Variants in PYHIN1 observed in about 807,000 individuals in gnomAD.
The protein encoded by PYHIN1 is pyrin and HIN domain family member 1, also known as pyrin and HIN domain-containing protein 1.
In PYHIN1, 32 loss-of-function variants were observed where a neutral mutation model predicts 43.7. That is an observed-to-expected ratio of 0.73 (90% CI 0.55 to 0.98). The LOEUF (loss-of-function observed/expected upper bound fraction) is 0.98, where lower values mean the gene tolerates loss of function less well. PYHIN1 is among the 50% of genes least tolerant of loss of function. The probability of loss-of-function intolerance (pLI) is 0.00; values close to 1 mark genes in which losing one functional copy is unlikely to be tolerated. For synonymous variants in PYHIN1, 205 were observed against 203.1 expected, an observed-to-expected ratio of 1.01 and a Z score of -0.08; for missense variants, 588 against 589.5, an observed-to-expected ratio of 1.00 and a Z score of 0.03.
rs568274287 is a variant in PYHIN1 at position 158,973,572 on chromosome 1, A to G, written c.1360-75A>G. ...ATGTATTACATCCAACTTATATAGG[A>G]AAATATTAAGCAGAAAAAACCAGTT... On this transcript the variant is annotated intron_variant, in intron 7 of 8. Transcript: ENST00000368140. 4 of 1,512,142 alleles carry G rather than the reference A, an allele frequency of 2.6e-6. No individual in the cohort carries two copies. In the South Asian group the frequency reaches 4.5e-5, roughly 17 times the overall value. The allele number at this position is 1,512,142 out of a possible 1,614,324, so 93.7% of individuals were successfully genotyped here.
the PYHIN1 span, among the ~76,000 whole-genome samples, chr1:158,989,328 G>T: frequency 1.3e-5 from 2 of 152,126 alleles, no homozygotes; most frequent in Non-Finnish European, 2.9e-5. Context: ...ATTTCATCAG[G>T]ATATGAATTA....
chr1:158,953,040 C>T (rs1017329963), intron 7 of PYHIN1, among the ~76,000 whole-genome samples: 3 of 152,334 alleles, frequency 2.0e-5, no homozygotes, highest in East Asian at 1.9e-4. Context: ...TTGCGCTTTT[C>T]GGACCGGCTT....
At chr1:158,977,615 A>G (rs1271131688), downstream of PYHIN1, among the ~76,000 whole-genome samples, 1 of 152,158 alleles carries the variant, frequency 6.6e-6, no homozygotes, top group Non-Finnish European at 1.5e-5. Flanking sequence ...AATGGCAGAA[A>G]GTCAGTATCT....
the PYHIN1 span, among the ~76,000 whole-genome samples, chr1:158,986,436 C>A: frequency 2.6e-5 from 4 of 152,176 alleles, no homozygotes; most frequent in Non-Finnish European, 5.9e-5. Flanking sequence ...TAGGCCAACA[C>A]CTTTTTTTCT....
At chr1:158,941,706 A>G (rs1467116120) in intron 4 of PYHIN1, among the ~76,000 whole-genome samples, 1 of 152,216 alleles carries the variant, frequency 6.6e-6, no homozygotes, top group Non-Finnish European at 1.5e-5. Context: ...TGATTGGCTC[A>G]GCATCCACTT....
intron 7 of PYHIN1, among the ~76,000 whole-genome samples, chr1:158,961,843 CTG>C (rs1343221172): frequency 6.6e-6 from 1 of 152,184 alleles, no homozygotes; most frequent in Non-Finnish European, 1.5e-5. Flanking sequence ...GGCTGCAGCT[CTG>C]GCAATAGGGG....
chr1:158,981,410 G>A (rs1267424187), downstream of PYHIN1, among the ~76,000 whole-genome samples: 1 of 152,168 alleles, frequency 6.6e-6, no homozygotes, highest in Non-Finnish European at 1.5e-5. Context: ...GGCAGTGGTT[G>A]CAGTAAGCCA....
chr1:158,939,458 C>T (rs2101651427), intron 4 of PYHIN1: 1 of 1,551,576 alleles, frequency 6.4e-7, no homozygotes, highest in Non-Finnish European at 8.7e-7. Context: ...CTGTCCTGTG[C>T]TGTTTGGGGA....
Position 158,973,704 on chromosome 1 carries a change from C to G in PYHIN1, c.1417C>G (p.Pro473Ala), listed in dbSNP as rs759625889. Residue 473 changes from proline to alanine, a missense_variant, in exon 8 of 9, where the codon CCA becomes GCA. Physicochemically the swap from Pro to Ala is conservative, Grantham distance 27 (BLOSUM62 -1). Transcript: ENST00000368140. ...GCCTGCAAACTTTAGAATCACCTCA[C>G]CAACTGTGGCCCCTCCTCTTTCTTC... ...SSPANFRITS[P>A]TVAPPLSSDT... 6.8e-6 allele frequency: 11 copies of G among 1,613,184 alleles called. No homozygotes were observed. The South Asian group carries it at 1.2e-4, about 18-fold the overall frequency.
intron 7 of PYHIN1, among the ~76,000 whole-genome samples, chr1:158,953,811 G>A (rs1649744304): frequency 6.6e-6 from 1 of 151,542 alleles, no homozygotes. Context: ...CTGAGCTATG[G>A]GAGGACATTC....
At chr1:158,938,945 C>T (rs1005914621) in intron 3 of PYHIN1, 135 bp from the exon 4 acceptor site, 5 of 582,144 alleles carry the variant, frequency 8.6e-6, no homozygotes, top group Middle Eastern at 4.9e-4. Flanking sequence ...CATGTTCTTT[C>T]AATTGGCCTG....
chr1:158,985,783 G>T, the PYHIN1 span, among the ~76,000 whole-genome samples: 4 of 152,194 alleles, frequency 2.6e-5, no homozygotes, highest in Middle Eastern at 3.4e-3. Context: ...CTCTTTCTGT[G>T]ATGCAAATCA....
chr1:158,977,992 A>G (rs539238513), downstream of PYHIN1, among the ~76,000 whole-genome samples: 2 of 152,172 alleles, frequency 1.3e-5, no homozygotes, highest in Non-Finnish European at 2.9e-5. Flanking sequence ...CAAAATAGCA[A>G]TCTTCTGTAC....
At chr1:158,956,528 A>G (rs1649942900) in intron 7 of PYHIN1, among the ~76,000 whole-genome samples, 1 of 151,276 alleles carries the variant, frequency 6.6e-6, no homozygotes, top group Non-Finnish European at 1.5e-5. Context: ...ATAGATGCAG[A>G]AAAAGCCTTT....
chr1:158,953,222 G>A (rs193001015), intron 7 of PYHIN1, among the ~76,000 whole-genome samples: 11,926 of 139,172 alleles, frequency 0.086, 578 homozygotes, highest in Non-Finnish European at 0.1. Context: ...AAAGCAGCCA[G>A]GAAGCTCGAA....
At chr1:158,960,884 A>G (rs938200883) in intron 7 of PYHIN1, among the ~76,000 whole-genome samples, 7 of 152,216 alleles carry the variant, frequency 4.6e-5, no homozygotes, top group Non-Finnish European at 8.8e-5. Context: ...GCTGTTTTTG[A>G]GAAGATAGTA....
chr1:158,970,475 C>T (rs1388621101), intron 7 of PYHIN1, among the ~76,000 whole-genome samples: 1 of 151,948 alleles, frequency 6.6e-6, no homozygotes, highest in African/African-American at 2.4e-5. Flanking sequence ...TGTCTATTAT[C>T]ACATCCCCTC....
chr1:158,955,459 C>T (rs1349586033), intron 7 of PYHIN1, among the ~76,000 whole-genome samples: 30 of 151,666 alleles, frequency 2.0e-4, no homozygotes, highest in African/African-American at 5.8e-4. Context: ...CACTCAAAAC[C>T]GCTCAACTAC....
chr1:158,942,788 T>C (rs1209818313), intron 5 of PYHIN1, among the ~76,000 whole-genome samples: 1 of 152,196 alleles, frequency 6.6e-6, no homozygotes, highest in Non-Finnish European at 1.5e-5. Flanking sequence ...TCATTTTGAA[T>C]ACAGTATTGT....
Sources: gnomAD v4.1 joint callset for allele counts (sites outside exome capture counted in the v4.1 genomes callset) on GRCh38, gnomAD v4.1.1 for gene constraint, MANE v1.5 for transcripts, NCBI Gene and HGNC (gene_info 2026-07-23, HGNC 2026-07-21) for gene names.